CRABP1: variants seen among roughly 807,000 people sequenced by gnomAD.
The protein encoded by CRABP1 is cellular retinoic acid-binding protein 1.
In CRABP1, 9 loss-of-function variants were observed where a neutral mutation model predicts 16.4. That is an observed-to-expected ratio of 0.55 (90% CI 0.33 to 0.96). The LOEUF is 0.96. CRABP1 is among the 40% of genes least tolerant of loss of function. The pLI is 0.03. For missense variants in CRABP1, 157 were observed against 186.0 expected, an observed-to-expected ratio of 0.84 and a Z score of 0.91; for synonymous variants, 72 against 70.4, an observed-to-expected ratio of 1.02 and a Z score of -0.11.
At chr15:78,346,216 G>A (rs376646055) in intron 3 of CRABP1, among the ~76,000 whole-genome samples, 28 of 152,254 alleles carry the variant, frequency 1.8e-4, no homozygotes, top group African/African-American at 5.8e-4. Context: ...GTTCTGAGGC[G>A]TCCAGACATC....
In CRABP1 at chr15:78,341,421, C is replaced by T. The variant is rs1441946880; in HGVS notation, c.249+200C>T. On this transcript the variant is annotated intron_variant, in intron 2 of 3. Transcript: ENST00000299529. This position sits in a 1 kb window ranked among gnomAD's most constrained non-coding sequence, Gnocchi z 5.3. The stretch of plus-strand genomic sequence containing the variant: ...ACAAAGTATTACCTTCATTCCATCT[C>T]AACCCCATCCCTACGCTGCCTCCCG... 7.9e-6 allele frequency: 5 copies of T among 629,388 alleles called. No individual in the cohort carries two copies. In the East Asian group the frequency reaches 1.5e-4, roughly 18 times the overall value. 39.0% of individuals were successfully genotyped at this position (629,388 alleles called of 1,614,324 possible). A position where few individuals can be genotyped will look rare whatever the true frequency, so the allele number is the denominator to read the frequency against.
chr15:78,344,474 C>T (rs1294315975), intron 3 of CRABP1, among the ~76,000 whole-genome samples: 1 of 150,854 alleles, frequency 6.6e-6, no homozygotes, highest in African/African-American at 2.4e-5. Flanking sequence ...AAAAAGTATT[C>T]AGACGAAAAC....
chr15:78,341,206 C>T lies in CRABP1; in HGVS notation c.234C>T (p.Asp78=). 4 of 1,610,660 alleles carry T rather than the reference C, an allele frequency of 2.5e-6. No homozygotes were observed. The highest frequency in any genetic ancestry group is 1.1e-5 in the South Asian group (1 of 90,254). ...AAGGCTTTGAGGAGGAGACCGTGGA[C>T]GGACGCAAGTGCAGGGTGAGGCCCC... The part of the protein sequence containing the change: ...VGEGFEEETV[D]GRKCRSLATW... The change falls in exon 2 of 4, where the codon GAC becomes GAT. Residue 78 remains aspartate, a synonymous_variant. Coordinates refer to ENST00000299529, the MANE Select transcript of CRABP1 (RefSeq NM_004378.3). This position sits in a 1 kb window ranked among gnomAD's most constrained non-coding sequence, Gnocchi z 5.3.
chr15:78,341,021 G>A lies in CRABP1; in HGVS notation c.71-22G>A. ...CTGGCGGCGAGGCCCCGTGACCCAA[G>A]CCTGTGGTGCACCCTGCGCAGGTGT... is the stretch of plus-strand genomic sequence containing the variant. On this transcript the variant is annotated intron_variant, in intron 1 of 3. Transcript: ENST00000299529. The surrounding 1 kb of genome is among the most constrained non-coding windows in gnomAD (Gnocchi z 5.3). 6.3e-7 allele frequency: 1 copy of A among 1,595,594 alleles called. No individual in the cohort carries two copies.
chr15:78,340,449 C>A lies in CRABP1; in HGVS notation c.21C>A (p.Thr7=). The change falls in exon 1 of 4, where the codon ACC becomes ACA. Residue 7 remains threonine, a synonymous_variant. Coordinates refer to ENST00000299529, the MANE Select transcript of CRABP1 (RefSeq NM_004378.3). The part of the protein sequence containing the change: MPNFAG[T]WKMRSSENFD... ...CCACCATGCCCAACTTCGCCGGCACCTGGAAGATGCGCAGCAGCGAGAATT... is the reference window on the plus strand; with the variant it reads ...CCACCATGCCCAACTTCGCCGGCACATGGAAGATGCGCAGCAGCGAGAATT... 1 of 1,604,324 alleles carries A rather than the reference C, an allele frequency of 6.2e-7. No homozygotes were observed. Among genetic ancestry groups the A allele is most frequent in the Non-Finnish European group, 8.5e-7 (1 of 1,176,912 alleles).
chr15:78,345,473 A>C (rs548786318), intron 3 of CRABP1, among the ~76,000 whole-genome samples: 1 of 152,126 alleles, frequency 6.6e-6, no homozygotes, highest in South Asian at 2.1e-4. Flanking sequence ...ATTTAGGAGA[A>C]AAGGCGTATA....
chr15:78,346,994 T>G (rs1052591412), intron 3 of CRABP1, among the ~76,000 whole-genome samples: 12 of 122,242 alleles, frequency 9.8e-5, no homozygotes, highest in African/African-American at 3.2e-4. Flanking sequence ...TTTGTTTTTG[T>G]TTTTTTTTTT....
At position 78,341,051 on chromosome 15, in the gene CRABP1, G is replaced by C; in HGVS notation, c.79G>C (p.Ala27Pro). 6.2e-7 allele frequency: 1 copy of C among 1,608,284 alleles called. No homozygotes were observed. Among genetic ancestry groups the C allele is most frequent in the Non-Finnish European group, 8.5e-7 (1 of 1,179,620 alleles). ...DELLKALGVN[A>P]MLRKVAVAAA... ...TGGTGCACCCTGCGCAGGTGTGAAC[G>C]CCATGCTGAGGAAAGTGGCCGTAGC... The change falls in exon 2 of 4, where the codon GCC (alanine) becomes CCC (proline). Residue 27 changes from alanine (A) to proline (P), a missense_variant. By Grantham distance (27) the Ala-to-Pro change is conservative. Coordinates refer to ENST00000299529, the MANE Select transcript of CRABP1 (RefSeq NM_004378.3). This position sits in a 1 kb window ranked among gnomAD's most constrained non-coding sequence, Gnocchi z 5.3.
chr15:78,348,011 A>T lies in CRABP1; in HGVS notation c.*34A>T. 1 of 1,606,790 alleles carries T rather than the reference A, an allele frequency of 6.2e-7. No individual in the cohort carries two copies. On this transcript the variant is annotated 3_prime_UTR_variant, in exon 4 of 4. Coordinates refer to ENST00000299529, the MANE Select transcript of CRABP1 (RefSeq NM_004378.3). ...GGCTTGCTCCTACTTTCAGGAAGGG[A>T]TGCAGGCTCCCCTGAGGAATATGTC...
chr15:78,341,490 C>G lies in CRABP1; in HGVS notation c.249+269C>G. On this transcript the variant is annotated intron_variant, in intron 2 of 3. Coordinates refer to ENST00000299529, the MANE Select transcript of CRABP1 (RefSeq NM_004378.3). This position sits in a 1 kb window ranked among gnomAD's most constrained non-coding sequence, Gnocchi z 5.3. ...TTAAAGAGCGGGCTCTGGGTTGCGC[C>G]GCGTTCCCAGCAGTGGCTTTTGCAG... The G allele has an allele frequency of 4.4e-6, 2 of 452,252 alleles. No individual in the cohort carries two copies. Among genetic ancestry groups the G allele is most frequent in the South Asian group, 2.1e-5 (1 of 46,860 alleles). The allele number at this position is 452,252 out of a possible 1,614,324, so 28.0% of individuals were successfully genotyped here.
At chr15:78,347,091 A>C (rs1403448271) in intron 3 of CRABP1, among the ~76,000 whole-genome samples, 2 of 151,274 alleles carry the variant, frequency 1.3e-5, no homozygotes, top group East Asian at 3.9e-4. Context: ...GTTTTGGGGG[A>C]AAGTTGAGAC....
At chr15:78,343,275 G>C (rs1469358896) in intron 2 of CRABP1, among the ~76,000 whole-genome samples, 1 of 152,164 alleles carries the variant, frequency 6.6e-6, no homozygotes, top group Non-Finnish European at 1.5e-5. Flanking sequence ...GTGTGCTTGT[G>C]AGTGTGTGTG....
chr15:78,347,849 G>A lies in CRABP1; in HGVS notation c.364-78G>A. On this transcript the variant is annotated intron_variant, in intron 3 of 3. Transcript: ENST00000299529. ...AGAGTTTTTAACAGGGCAATAAGTG[G>A]CCTTATTAGTGATATGCTTTAAACA... The A allele has an allele frequency of 2.3e-6, 3 of 1,292,250 alleles. No homozygotes were observed. The East Asian group carries it at 6.9e-5, about 30-fold the overall frequency. The allele number at this position is 1,292,250 out of a possible 1,614,324, so 80.0% of individuals were successfully genotyped here. A position where few individuals can be genotyped will look rare whatever the true frequency, so the allele number is the denominator to read the frequency against.
chr15:78,342,892 A>G (rs1410874394), intron 2 of CRABP1, among the ~76,000 whole-genome samples: 1 of 152,142 alleles, frequency 6.6e-6, no homozygotes, highest in Non-Finnish European at 1.5e-5. Flanking sequence ...TAAAATCCAA[A>G]TTATGTTCAC....
chr15:78,344,722 G>A (rs1016565860), intron 3 of CRABP1, among the ~76,000 whole-genome samples: 1 of 148,074 alleles, frequency 6.8e-6, no homozygotes, highest in Non-Finnish European at 1.5e-5. Context: ...GAACAGCCTG[G>A]GCAACATAGT....
At chr15:78,346,113 T>A (rs1190241442) in intron 3 of CRABP1, among the ~76,000 whole-genome samples, 3 of 152,152 alleles carry the variant, frequency 2.0e-5, no homozygotes, top group Non-Finnish European at 4.4e-5. Context: ...GTGAGAATAG[T>A]TTCTCCAGGG....
At chr15:78,347,000 T>G (rs866414244) in intron 3 of CRABP1, among the ~76,000 whole-genome samples, 6,232 of 150,650 alleles carry the variant, frequency 0.041, 445 homozygotes, top group African/African-American at 0.14. Context: ...TTTGTTTTTT[T>G]TTTTTTTAAC....
intron 3 of CRABP1, among the ~76,000 whole-genome samples, chr15:78,346,046 C>T (rs1213290321): frequency 6.6e-5 from 10 of 152,060 alleles, no homozygotes; most frequent in African/African-American, 1.7e-4. Flanking sequence ...GTTGGAAATG[C>T]GGCGATTTCT....
chr15:78,340,402 G>T lies in CRABP1; in HGVS notation c.-27G>T. The T allele has an allele frequency of 6.4e-7, 1 of 1,573,432 alleles. No homozygotes were observed. Among genetic ancestry groups the T allele is most frequent in the South Asian group, 1.2e-5 (1 of 85,904 alleles). ...TGTGCCCGCTGCGCCGCCGCTGTCCGTACCTGCCGCCGCCGCCACCGCCAC... is the reference window on the plus strand; with the variant it reads ...TGTGCCCGCTGCGCCGCCGCTGTCCTTACCTGCCGCCGCCGCCACCGCCAC... On this transcript the variant is annotated 5_prime_UTR_variant, in exon 1 of 4. Transcript: ENST00000299529.
Sources: allele counts gnomAD v4.1 joint callset (sites outside exome capture counted in the v4.1 genomes callset), GRCh38; gene constraint gnomAD v4.1.1; non-coding constraint Gnocchi (gnomAD v3.1); transcripts MANE v1.5; gene names NCBI Gene and HGNC (gene_info 2026-07-23, HGNC 2026-07-21).